Variants in UNC80 observed in about 807,000 individuals in gnomAD.
UNC80 encodes unc-80 subunit of NALCN channel complex.
In UNC80, 164 loss-of-function variants were observed where a neutral mutation model predicts 384.6. The ratio of observed to expected loss-of-function variants is 0.43; its 90% confidence interval spans 0.38 to 0.49. UNC80 has a LOEUF of 0.49. Among genes scored for constraint, UNC80 ranks in the 20% least tolerant of loss-of-function variants. The pLI, the probability that UNC80 is intolerant of heterozygous loss-of-function variation, is 0.00. For synonymous variants in UNC80, 1,486 were observed against 1,527.8 expected (o/e 0.97, Z 0.64); for missense variants, 3,330 against 4,143.0 (o/e 0.80, Z 5.39).
intron 22 of UNC80, among the ~76,000 whole-genome samples, chr2:209,866,513 CACACACACACACACACACACAGAGAGAG>C (rs2083808585): frequency 7.2e-6 from 1 of 138,328 alleles, no homozygotes; most frequent in African/African-American, 2.8e-5. Context: ...CACACACACA[CACACACACACACACACACACAGAGAGAG>C]AGAGAGAGAG....
intron 33 of UNC80, 61 bp from the exon 34 acceptor site, chr2:209,921,439 T>TTA (rs2090034641): frequency 6.8e-7 from 1 of 1,462,526 alleles, no homozygotes. Context: ...GGAACACTCT[T>TTA]TATGCCTGTG....
chr2:209,879,543 A>G lies in UNC80; in HGVS notation c.3977-1418A>G, dbSNP rs575339868. ...AAGCTCATTGTCTGCAGGACTGGTAAGAAAAGCCTGGATGATAACCTTAGG... is the reference window on the plus strand; with the variant it reads ...AAGCTCATTGTCTGCAGGACTGGTAGGAAAAGCCTGGATGATAACCTTAGG... On this transcript the variant is annotated intron_variant, in intron 24 of 64. Coordinates refer to ENST00000673920, the MANE Select transcript of UNC80 (RefSeq NM_001371986.1). 2.8e-3 allele frequency among the ~76,000 whole-genome samples: 434 copies of G among 152,334 alleles called. 2 individuals are homozygous for G. Among genetic ancestry groups the G allele is most frequent in the Non-Finnish European group, 2.6e-3 (178 of 68,024 alleles).
chr2:209,940,715 T>C (rs983585963), intron 43 of UNC80, among the ~76,000 whole-genome samples: 3 of 151,730 alleles, frequency 2.0e-5, no homozygotes, highest in African/African-American at 7.3e-5. Flanking sequence ...TACTCAGGGG[T>C]CTGAAGCATG....
chr2:209,903,575 G>T (rs1401319273), intron 28 of UNC80, among the ~76,000 whole-genome samples: 1 of 36,678 alleles, frequency 2.7e-5, no homozygotes, highest in African/African-American at 1.1e-4. Context: ...TATATATATA[G>T]TATATATGTA....
At chr2:209,913,419 A>G (rs535990445) in intron 30 of UNC80, among the ~76,000 whole-genome samples, 50 of 152,246 alleles carry the variant, frequency 3.3e-4, no homozygotes, top group Admixed American at 7.2e-4. Context: ...GGCTGCTTAT[A>G]GTTTTTGGTG....
chr2:209,936,318 A>G (rs2091242121), intron 40 of UNC80, among the ~76,000 whole-genome samples: 1 of 152,218 alleles, frequency 6.6e-6, no homozygotes, highest in African/African-American at 2.4e-5. Flanking sequence ...CTCTAGTCTC[A>G]GTTTCATTTT....
chr2:209,956,590 T>TA (rs1215388512), intron 48 of UNC80, among the ~76,000 whole-genome samples: 48 of 152,224 alleles, frequency 3.2e-4, no homozygotes, highest in African/African-American at 1.1e-3. Flanking sequence ...TAATTTTTTT[T>TA]AAATTATACT....
At chr2:209,904,432 G>A (rs2087925755) in intron 28 of UNC80, among the ~76,000 whole-genome samples, 1 of 152,190 alleles carries the variant, frequency 6.6e-6, no homozygotes, top group South Asian at 2.1e-4. Flanking sequence ...CCCAATATAA[G>A]AGCTGGAAAA....
At chr2:209,825,867 G>C in intron 13 of UNC80, 40 bp from the exon 14 acceptor site, 1 of 1,483,378 alleles carries the variant, frequency 6.7e-7, no homozygotes, top group Non-Finnish European at 9.0e-7. Context: ...CAGTGACAAA[G>C]TAAACAGACT....
At chr2:209,960,730 A>G (rs1466703216) in intron 51 of UNC80, among the ~76,000 whole-genome samples, 1 of 152,206 alleles carries the variant, frequency 6.6e-6, no homozygotes, top group African/African-American at 2.4e-5. Context: ...TTGTGGGCAC[A>G]CACCCAGTAC....
chr2:209,909,429 A>G (rs2088649539), intron 29 of UNC80, among the ~76,000 whole-genome samples: 1 of 152,186 alleles, frequency 6.6e-6, no homozygotes, highest in African/African-American at 2.4e-5. Flanking sequence ...CAGGATGAAC[A>G]TAGTCTTTCA....
chr2:209,995,559 GA>G lies in UNC80; in HGVS notation c.9943del (p.Thr3315ArgfsTer5). ...QFTFTPTELG[K>X]TDAVLDESHV is the part of the protein sequence containing the mutation. The stretch of plus-strand genomic sequence containing the variant: ...TCACCTTTACTCCCACTGAGCTGGG[GA>G]AAACGGATGCAGTATTAGATGAGTC... On this transcript the variant is annotated frameshift_variant, in exon 65 of 65. Transcript: ENST00000673920. LOFTEE classifies it high-confidence loss of function. The G allele has an allele frequency of 6.4e-7, 1 of 1,552,070 alleles. No homozygotes were observed. The highest frequency in any genetic ancestry group is 1.7e-4 in the Middle Eastern group (1 of 5,996).
At chr2:209,971,282 A>C (rs1179233867) in intron 54 of UNC80, among the ~76,000 whole-genome samples, 1 of 152,214 alleles carries the variant, frequency 6.6e-6, no homozygotes, top group Non-Finnish European at 1.5e-5. Flanking sequence ...AGTAATATTC[A>C]CAATCTGGTT....
chr2:209,856,326 A>ATT (rs2082915181), intron 22 of UNC80, among the ~76,000 whole-genome samples: 2 of 152,120 alleles, frequency 1.3e-5, no homozygotes, highest in Non-Finnish European at 2.9e-5. Context: ...GATATTTAAA[A>ATT]GATTATAGGT....
chr2:209,929,518 C>A (rs1465990435), intron 36 of UNC80, among the ~76,000 whole-genome samples: 1 of 152,134 alleles, frequency 6.6e-6, no homozygotes, highest in Non-Finnish European at 1.5e-5. Context: ...CATAGTTTCT[C>A]CATAAAATAA....
intron 7 of UNC80, chr2:209,808,726 T>C (rs1053857494): frequency 1.2e-5 from 1 of 84,596 alleles, no homozygotes; most frequent in Non-Finnish European, 2.2e-5. Flanking sequence ...CTGCACTCAT[T>C]GCTCCAAGGC....
intron 44 of UNC80, among the ~76,000 whole-genome samples, chr2:209,942,165 C>T (rs13025312): frequency 6.6e-6 from 1 of 152,108 alleles, no homozygotes; most frequent in Non-Finnish European, 1.5e-5. Context: ...TGCAAGGGAT[C>T]TAGGTTCCAT....
intron 39 of UNC80, among the ~76,000 whole-genome samples, chr2:209,934,594 AAGAC>A (rs2091115738): frequency 1.3e-5 from 2 of 152,232 alleles, no homozygotes; most frequent in Non-Finnish European, 1.5e-5. Flanking sequence ...ATAGAAGTGA[AAGAC>A]AGAATTATGT....
At position 209,771,877 on chromosome 2, in the gene UNC80, C is replaced by T. The variant is rs1317312927; in HGVS notation, c.-196C>T. On this transcript the variant is annotated 5_prime_UTR_variant, in exon 1 of 65. Transcript: ENST00000673920. ...CGCTCCGCGGCTCCTCCAGCCCTCCCCTCCTCCCGCAGCCATGTTCCACGC... is the reference window on the plus strand; with the variant it reads ...CGCTCCGCGGCTCCTCCAGCCCTCCTCTCCTCCCGCAGCCATGTTCCACGC... 5.1e-6 allele frequency: 3 copies of T among 584,042 alleles called. No individual in the cohort carries two copies. In the Admixed American group the frequency reaches 7.9e-5, roughly 15 times the overall value. The allele number at this position is 584,042 out of a possible 1,614,324, so 36.2% of individuals were successfully genotyped here.
Sources: gnomAD v4.1 joint callset for allele counts (sites outside exome capture counted in the v4.1 genomes callset) on GRCh38, gnomAD v4.1.1 for gene constraint, MANE v1.5 for transcripts, NCBI Gene and HGNC (gene_info 2026-07-23, HGNC 2026-07-21) for gene names.